RBFOX1: variants seen among roughly 807,000 people sequenced by gnomAD.
RBFOX1 encodes RNA binding fox-1 homolog 1, also known as RNA binding protein fox-1 homolog 1.
RBFOX1 carries 8 observed loss-of-function variants against 57.7 expected under a neutral mutation model. That is an observed-to-expected ratio of 0.14 (90% confidence interval 0.08 to 0.25). RBFOX1 has a LOEUF of 0.25. Ranked by LOEUF, RBFOX1 falls within the 10% of genes least tolerant of loss-of-function variation. The probability of loss-of-function intolerance (pLI) is 1.00; values close to 1 mark genes in which losing one functional copy is unlikely to be tolerated. For synonymous variants in RBFOX1, 326 were observed against 222.4 expected, an observed-to-expected ratio of 1.47 and a Z score of -4.15; for missense variants, 611 against 548.5, an observed-to-expected ratio of 1.11 and a Z score of -1.14.
chr16:5,770,667 C>A (rs944747016), intron 3 of RBFOX1, among the ~76,000 whole-genome samples: 7 of 152,176 alleles, frequency 4.6e-5, no homozygotes, highest in Non-Finnish European at 1.5e-5. Flanking sequence ...GAATTCTTTC[C>A]TGCACATAGC....
At chr16:7,384,230 A>T (rs2097840476) in intron 4 of RBFOX1, among the ~76,000 whole-genome samples, 1 of 151,996 alleles carries the variant, frequency 6.6e-6, no homozygotes, top group Non-Finnish European at 1.5e-5. Context: ...TATATATATG[A>T]ATATGAAAAG....
At chr16:7,153,250 A>T (rs1326878826) in intron 4 of RBFOX1, among the ~76,000 whole-genome samples, 1 of 152,106 alleles carries the variant, frequency 6.6e-6, no homozygotes, top group African/African-American at 2.4e-5. Context: ...GTCTCTATCA[A>T]ATGCATACCT....
At chr16:7,464,668 A>G (rs2060170070) in intron 4 of RBFOX1, among the ~76,000 whole-genome samples, 1 of 148,942 alleles carries the variant, frequency 6.7e-6, no homozygotes, top group African/African-American at 2.5e-5. Flanking sequence ...CCCGCCCGAA[A>G]TACTTCTTGT....
chr16:6,890,219 G>T (rs765037015), intron 3 of RBFOX1, among the ~76,000 whole-genome samples: 13 of 152,118 alleles, frequency 8.5e-5, no homozygotes, highest in Non-Finnish European at 1.5e-4. Context: ...CTAAAATATT[G>T]TTATGAAAAC....
At chr16:6,133,507 C>T (rs575560722) in intron 1 of RBFOX1, among the ~76,000 whole-genome samples, 1 of 152,236 alleles carries the variant, frequency 6.6e-6, no homozygotes, top group Admixed American at 6.5e-5. Context: ...GTCAGTCAAC[C>T]CTGCCTTGAT....
At chr16:6,293,391 C>T (rs1233560264) in intron 1 of RBFOX1, among the ~76,000 whole-genome samples, 1 of 152,122 alleles carries the variant, frequency 6.6e-6, no homozygotes, top group Admixed American at 6.5e-5. Flanking sequence ...CTCGCTTTTT[C>T]CCTCAAATAT....
intron 4 of RBFOX1, among the ~76,000 whole-genome samples, chr16:7,321,221 T>A (rs914240191): frequency 2.0e-5 from 3 of 152,090 alleles, no homozygotes; most frequent in Non-Finnish European, 4.4e-5. Flanking sequence ...CTCATCTCAC[T>A]GCAACCTCTG....
intron 4 of RBFOX1, among the ~76,000 whole-genome samples, chr16:7,244,468 C>T (rs970890687): frequency 6.6e-6 from 1 of 152,156 alleles, no homozygotes; most frequent in Admixed American, 6.6e-5. Flanking sequence ...TGGCCATCCT[C>T]TTTGCAAAAT....
chr16:6,266,501 G>T (rs2074510158), intron 1 of RBFOX1, among the ~76,000 whole-genome samples: 1 of 152,014 alleles, frequency 6.6e-6, no homozygotes, highest in African/African-American at 2.4e-5. Context: ...ATCACTTGAG[G>T]TCAGGAGTTC....
chr16:6,801,228 A>G (rs1396284002), intron 3 of RBFOX1, among the ~76,000 whole-genome samples: 1 of 151,518 alleles, frequency 6.6e-6, no homozygotes, highest in Non-Finnish European at 1.5e-5. Flanking sequence ...GTAACGTTAC[A>G]TATCATGTAT....
intron 1 of RBFOX1, among the ~76,000 whole-genome samples, chr16:6,025,954 C>T (rs549002960): frequency 1.6e-4 from 24 of 152,180 alleles, no homozygotes; most frequent in African/African-American, 5.8e-4. Flanking sequence ...GTAGCACAAG[C>T]TGAGCCAAGC....
intron 4 of RBFOX1, among the ~76,000 whole-genome samples, chr16:7,119,494 G>A (rs902577726): frequency 5.9e-5 from 9 of 151,942 alleles, no homozygotes; most frequent in East Asian, 3.9e-4. Context: ...GTTCCATTTC[G>A]AGTTAGATGG....
chr16:6,853,133 G>A, intron 3 of RBFOX1, among the ~76,000 whole-genome samples: 1 of 152,240 alleles, frequency 6.6e-6, no homozygotes, highest in Non-Finnish European at 1.5e-5. Flanking sequence ...GTGCGAACTT[G>A]GGAAAGCTGC....
At chr16:7,453,076 C>G (rs796870766) in intron 4 of RBFOX1, among the ~76,000 whole-genome samples, 7 of 147,348 alleles carry the variant, frequency 4.8e-5, no homozygotes, top group African/African-American at 1.8e-4. Flanking sequence ...TTGCAGTGAG[C>G]TGAGATCGCA....
chr16:6,844,225 C>T (rs1326896914), intron 3 of RBFOX1, among the ~76,000 whole-genome samples: 4 of 151,702 alleles, frequency 2.6e-5, no homozygotes, highest in Non-Finnish European at 4.4e-5. Context: ...TTCAGGGGTA[C>T]ATGTGCAGGA....
intron 1 of RBFOX1, among the ~76,000 whole-genome samples, chr16:5,318,086 C>G (rs1468655017): frequency 1.3e-5 from 2 of 152,052 alleles, no homozygotes; most frequent in South Asian, 2.1e-4. Flanking sequence ...GTTAAAGTGT[C>G]TCCTGCTAAG....
At chr16:6,326,756 G>C (rs1043850884) in intron 2 of RBFOX1, among the ~76,000 whole-genome samples, 1 of 149,376 alleles carries the variant, frequency 6.7e-6, no homozygotes, top group Non-Finnish European at 1.5e-5. Context: ...GCAATTTCAA[G>C]CAGATTGACT....
At chr16:6,887,595 A>G (rs984368184) in intron 3 of RBFOX1, among the ~76,000 whole-genome samples, 14 of 151,636 alleles carry the variant, frequency 9.2e-5, no homozygotes, top group African/African-American at 2.7e-4. Context: ...CCATATCACC[A>G]TAGAGGTCTT....
chr16:5,392,119 G>C (rs543822797), intron 1 of RBFOX1, among the ~76,000 whole-genome samples: 97 of 151,782 alleles, frequency 6.4e-4, no homozygotes, highest in Non-Finnish European at 1.1e-3. Context: ...AATGGACTTT[G>C]GGGACTCAGG....
Sources: allele counts gnomAD v4.1 joint callset (sites outside exome capture counted in the v4.1 genomes callset), GRCh38; gene constraint gnomAD v4.1.1; transcripts MANE v1.5; gene names NCBI Gene and HGNC (gene_info 2026-07-23, HGNC 2026-07-21).